CMKLR2: variants seen among roughly 807,000 people sequenced by gnomAD.
CMKLR2 encodes chemerin chemokine-like receptor 2, also known as chemerin-like receptor 2.
A neutral mutation model predicts 23.0 loss-of-function variants in CMKLR2; 18 were observed. The ratio of observed to expected loss-of-function variants is 0.78; its 90% CI spans 0.54 to 1.16. The LOEUF (loss-of-function observed/expected upper bound fraction) is 1.16. Among genes scored for constraint, CMKLR2 ranks in the 50% most tolerant of loss-of-function variants. CMKLR2 has a pLI of 0.00. For synonymous variants in CMKLR2, 158 were observed against 158.9 expected (o/e 0.99, Z 0.05); for missense variants, 401 against 412.7 (o/e 0.97, Z 0.25).
At chr2:206,193,486 CT>C in intron 1 of CMKLR2, among the ~76,000 whole-genome samples, 1 of 152,214 alleles carries the variant, frequency 6.6e-6, no homozygotes, top group Admixed American at 6.5e-5. Context: ...TGGCACAGGA[CT>C]TCTGTAACTT....
intron 1 of CMKLR2, among the ~76,000 whole-genome samples, chr2:206,185,613 C>T (rs990928347): frequency 6.6e-6 from 1 of 152,044 alleles, no homozygotes; most frequent in African/African-American, 2.4e-5. Flanking sequence ...TAGAAAGATC[C>T]CTCTTTCTGC....
At chr2:206,212,994 G>A (rs991175472) in intron 1 of CMKLR2, among the ~76,000 whole-genome samples, 20 of 152,074 alleles carry the variant, frequency 1.3e-4, no homozygotes, top group Non-Finnish European at 1.5e-5. Context: ...AATTATGTAG[G>A]TAAAAGCTGA....
At chr2:206,206,332 G>A (rs1689315397) in intron 1 of CMKLR2, among the ~76,000 whole-genome samples, 1 of 152,066 alleles carries the variant, frequency 6.6e-6, no homozygotes, top group South Asian at 2.1e-4. Context: ...TCACATTGGG[G>A]GACAATAACA....
At chr2:206,183,331 G>C (rs1364534631) in intron 1 of CMKLR2, among the ~76,000 whole-genome samples, 1 of 152,172 alleles carries the variant, frequency 6.6e-6, no homozygotes, top group African/African-American at 2.4e-5. Flanking sequence ...AAAGTCAGGA[G>C]CCTCCCCTTC....
At chr2:206,183,665 G>A (rs1688485278) in intron 1 of CMKLR2, among the ~76,000 whole-genome samples, 1 of 152,184 alleles carries the variant, frequency 6.6e-6, no homozygotes, top group Non-Finnish European at 1.5e-5. Context: ...AGGAGCTTAG[G>A]AATTCCCCTA....
intron 1 of CMKLR2, among the ~76,000 whole-genome samples, chr2:206,191,812 A>C (rs1688757678): frequency 6.7e-6 from 1 of 148,586 alleles, no homozygotes; most frequent in African/African-American, 2.5e-5. Flanking sequence ...GGGACCACAG[A>C]GGCATGTGCC....
chr2:206,190,040 G>T (rs937154118), intron 1 of CMKLR2, among the ~76,000 whole-genome samples: 3 of 152,110 alleles, frequency 2.0e-5, no homozygotes, highest in Non-Finnish European at 2.9e-5. Context: ...GGAAATTGAA[G>T]GTTGGGTGGT....
chr2:206,183,583 G>A (rs1274187663), intron 1 of CMKLR2, among the ~76,000 whole-genome samples: 1 of 152,166 alleles, frequency 6.6e-6, no homozygotes, highest in Non-Finnish European at 1.5e-5. Flanking sequence ...TAGATTTAAG[G>A]TGTAGTTCAG....
In CMKLR2 at chr2:206,176,380, T is replaced by C. The variant is rs1688212038; in HGVS notation, c.868A>G (p.Thr290Ala). The change falls in exon 2 of 2, where the codon ACT (threonine) becomes GCT (alanine). Residue 290 changes from threonine to alanine, a missense_variant. Transcript: ENST00000621141. ...CAACTATTGAGGAATGCCAAACCAG[T>C]GGAGAGGGGGATTCCAGCCTGCATC... ...HVMQAGIPLS[T>A]GLAFLNSCLN... The C allele has an allele frequency of 1.9e-6, 3 of 1,613,778 alleles. No homozygotes were observed. The highest frequency in any genetic ancestry group is 2.2e-5 in the South Asian group (2 of 91,068).
At position 206,176,717 on chromosome 2, in the gene CMKLR2, G is replaced by A. The variant is rs3732082; in HGVS notation, c.531C>T (p.Asp177=). The change falls in exon 2 of 2, where the codon GAC becomes GAT. Residue 177 remains aspartate, a synonymous_variant. Coordinates refer to ENST00000621141, the MANE Select transcript of CMKLR2 (RefSeq NM_001389445.1). The part of the protein sequence containing the change: ...LIGGPALYFR[D]TVEFNNHTLC... ...GAGTATGATTATTGAACTCCACAGT[G>A]TCCCGGAAGTACAGGGCAGGACCGC... 0.34 allele frequency: 552,268 copies of A among 1,613,588 alleles called. 96,079 individuals carry two copies. Among genetic ancestry groups the A allele is most frequent in the African/African-American group, 0.45 (33,997 of 74,916 alleles).
intron 1 of CMKLR2, among the ~76,000 whole-genome samples, chr2:206,185,953 C>T (rs1165739101): frequency 1.3e-5 from 2 of 152,044 alleles, no homozygotes; most frequent in Admixed American, 1.3e-4. Flanking sequence ...ATGAAGAAAA[C>T]ATGGTTTTTC....
At chr2:206,213,895 C>G (rs1689658635), upstream of CMKLR2, among the ~76,000 whole-genome samples, 2 of 152,038 alleles carry the variant, frequency 1.3e-5, no homozygotes. Context: ...GCTCTGTCGC[C>G]CAGGCTGGAG....
rs145136852 is a variant in CMKLR2, at chr2:206,200,139, G to A, written c.-29+13168C>T. Among the ~76,000 whole-genome samples, 1,348 of 152,252 alleles carry A rather than the reference G, an allele frequency of 8.9e-3. 23 individuals carry two copies. Among genetic ancestry groups the A allele is most frequent in the African/African-American group, 0.031 (1,269 of 41,556 alleles). On this transcript the variant is annotated intron_variant, in intron 1 of 1. Transcript: ENST00000621141. ...TTCTAAAGGCCATTAAGAATGGTGG[G>A]TCGGCCGGACGCAGTGGCTCATGCC...
chr2:206,202,092 T>C (rs771269530), intron 1 of CMKLR2, among the ~76,000 whole-genome samples: 2 of 152,204 alleles, frequency 1.3e-5, no homozygotes, highest in Non-Finnish European at 2.9e-5. Flanking sequence ...CTATGTATTC[T>C]AGGCCCTGGA....
chr2:206,194,201 G>A (rs1489046549), intron 1 of CMKLR2, among the ~76,000 whole-genome samples: 1 of 152,156 alleles, frequency 6.6e-6, no homozygotes, highest in Non-Finnish European at 1.5e-5. Context: ...TGTAGCAACA[G>A]TAATGCTGTT....
intron 1 of CMKLR2, among the ~76,000 whole-genome samples, chr2:206,191,902 G>A (rs62195400): frequency 0.13 from 19,407 of 148,168 alleles, 1,621 homozygotes; most frequent in Non-Finnish European, 0.18. Flanking sequence ...GTGCAATGGC[G>A]CGATCTCGGT....
rs558614704 is a variant in CMKLR2 at position 206,202,621 on chromosome 2, G to A, written c.-29+10686C>T. 3.3e-5 allele frequency among the ~76,000 whole-genome samples: 5 copies of A among 152,008 alleles called. No homozygotes were observed. The East Asian group carries it at 5.8e-4, about 18-fold the overall frequency. ...GGCTGCAGGCGCGCCACCACGTTCCGCACTAACCTGGTTAAGGCTGGATGG... is the reference window on the plus strand; with the variant it reads ...GGCTGCAGGCGCGCCACCACGTTCCACACTAACCTGGTTAAGGCTGGATGG... On this transcript the variant is annotated intron_variant, in intron 1 of 1. Coordinates refer to ENST00000621141, the MANE Select transcript of CMKLR2 (RefSeq NM_001389445.1).
Position 206,176,193 on chromosome 2 carries a change from T to A in CMKLR2, c.1055A>T (p.Glu352Val), listed in dbSNP as rs760975303. Reference sequence around the variant, plus strand: ...AAAAGTAATAACTTATTGAGCTGTTTCCAGGAGACACAGATTCTTGGTTTC... The same window carrying A: ...AAAAGTAATAACTTATTGAGCTGTTACCAGGAGACACAGATTCTTGGTTTC... ...NSETKNLCLL[E>V]TAQ The change falls in exon 2 of 2, where the codon GAA (glutamate) becomes GTA (valine). Residue 352 changes from glutamate (E) to valine (V), a missense_variant. Transcript: ENST00000621141. 1.9e-6 allele frequency: 3 copies of A among 1,610,304 alleles called. No homozygotes were observed. The highest frequency in any genetic ancestry group is 2.5e-6 in the Non-Finnish European group (3 of 1,178,230).
At chr2:206,201,806 A>G (rs1382338034) in intron 1 of CMKLR2, among the ~76,000 whole-genome samples, 1 of 152,212 alleles carries the variant, frequency 6.6e-6, no homozygotes, top group African/African-American at 2.4e-5. Context: ...ATAAACTGAA[A>G]TATGTCCAGA....
Sources: allele counts gnomAD v4.1 joint callset (sites outside exome capture counted in the v4.1 genomes callset), GRCh38; gene constraint gnomAD v4.1.1; transcripts MANE v1.5; gene names NCBI Gene and HGNC (gene_info 2026-07-23, HGNC 2026-07-21).